Variants in EBF3 observed in about 807,000 individuals in gnomAD.
The protein encoded by EBF3 is transcription factor COE3.
EBF3 carries 18 observed loss-of-function variants against 77.1 expected under a neutral mutation model. The ratio of observed to expected loss-of-function variants is 0.23; its 90% CI spans 0.16 to 0.35. The LOEUF (loss-of-function observed/expected upper bound fraction) is 0.35. Ranked by LOEUF, EBF3 falls within the 10% of genes least tolerant of loss-of-function variation. The probability of loss-of-function intolerance (pLI) is 1.00; values close to 1 mark genes in which losing one functional copy is unlikely to be tolerated. For synonymous variants in EBF3, 350 were observed against 343.5 expected (o/e 1.02, Z -0.21); for missense variants, 558 against 860.0 (o/e 0.65, Z 4.39).
intron 6 of EBF3, among the ~76,000 whole-genome samples, chr10:129,886,663 G>C (rs1189188698): frequency 6.6e-6 from 1 of 152,022 alleles, no homozygotes; most frequent in Non-Finnish European, 1.5e-5. Context: ...TTTTTTCCCT[G>C]GGATTTTTGC....
At chr10:129,882,924 G>A (rs1853307526) in intron 6 of EBF3, among the ~76,000 whole-genome samples, 1 of 152,226 alleles carries the variant, frequency 6.6e-6, no homozygotes, top group Non-Finnish European at 1.5e-5. Context: ...ATCATGCAAT[G>A]ATGATTTCTT....
At chr10:129,958,562 CAG>C (rs992092892) in intron 5 of EBF3, among the ~76,000 whole-genome samples, 1 of 152,194 alleles carries the variant, frequency 6.6e-6, no homozygotes, top group African/African-American at 2.4e-5. Flanking sequence ...TTATCAATAA[CAG>C]ACAATTGTAT....
chr10:129,884,502 T>A (rs1007681480), intron 6 of EBF3, among the ~76,000 whole-genome samples: 2 of 152,230 alleles, frequency 1.3e-5, no homozygotes, highest in Non-Finnish European at 2.9e-5. Context: ...TCTTCAAATA[T>A]GCCATGACAA....
At chr10:129,930,314 C>T (rs1414202054) in intron 6 of EBF3, among the ~76,000 whole-genome samples, 1 of 152,106 alleles carries the variant, frequency 6.6e-6, no homozygotes, top group Non-Finnish European at 1.5e-5. Flanking sequence ...TAACAAATCC[C>T]CCTCTCATAT....
At chr10:129,878,274 T>TA (rs1852934080) in intron 6 of EBF3, among the ~76,000 whole-genome samples, 1 of 152,176 alleles carries the variant, frequency 6.6e-6, no homozygotes, top group Non-Finnish European at 1.5e-5. Flanking sequence ...TACTCCTCAC[T>TA]AAAAAATTGC....
chr10:129,897,031 C>A lies in EBF3; in HGVS notation c.555-19182G>T, dbSNP rs949251436. ...ACTAATCAAGCATCGAGGACAGGCACCGCCAGCCTGATTGCCAGCCATGGC... is the reference window on the plus strand; with the variant it reads ...ACTAATCAAGCATCGAGGACAGGCAACGCCAGCCTGATTGCCAGCCATGGC... On this transcript the variant is annotated intron_variant, in intron 6 of 16. Transcript: ENST00000440978. This position sits in a 1 kb window ranked among gnomAD's most constrained non-coding sequence, Gnocchi z 4.6. 2.6e-5 allele frequency among the ~76,000 whole-genome samples: 4 copies of A among 152,238 alleles called. No individual in the cohort carries two copies. Among genetic ancestry groups the A allele is most frequent in the Admixed American group, 6.5e-5 (1 of 15,288 alleles).
At chr10:129,853,614 T>C (rs887397056) in intron 10 of EBF3, among the ~76,000 whole-genome samples, 6 of 152,184 alleles carry the variant, frequency 3.9e-5, no homozygotes, top group Admixed American at 2.6e-4. Flanking sequence ...AAATAAGATA[T>C]AGTATATTTT....
At chr10:129,931,625 G>T (rs1233875457) in intron 6 of EBF3, among the ~76,000 whole-genome samples, 2 of 152,262 alleles carry the variant, frequency 1.3e-5, no homozygotes, top group African/African-American at 4.8e-5. Context: ...CTTGATGTCT[G>T]CCCTGATGCC....
chr10:129,963,998 T>C lies in EBF3; in HGVS notation c.-230A>G, dbSNP rs1859743051. 1.5e-5 allele frequency: 15 copies of C among 984,800 alleles called. No homozygotes were observed. The highest frequency in any genetic ancestry group is 1.8e-5 in the Non-Finnish European group (15 of 829,794). 61.0% of individuals were successfully genotyped at this position (984,800 alleles called of 1,614,324 possible). Reference sequence around the variant, plus strand: ...GCGGCTCCACCGGCGGCGGCGGCGCTTCGAAGGAGCAGGACGCGGTGGCCG... The same window carrying C: ...GCGGCTCCACCGGCGGCGGCGGCGCCTCGAAGGAGCAGGACGCGGTGGCCG... On this transcript the variant is annotated 5_prime_UTR_variant, in exon 1 of 17. Coordinates refer to ENST00000440978, the MANE Select transcript of EBF3 (RefSeq NM_001375380.1). The surrounding 1 kb of genome is among the most constrained non-coding windows in gnomAD (Gnocchi z 7.1).
chr10:129,927,569 G>A (rs188291040), intron 6 of EBF3, among the ~76,000 whole-genome samples: 9 of 152,246 alleles, frequency 5.9e-5, no homozygotes, highest in Non-Finnish European at 1.2e-4. Flanking sequence ...TGGCAACGAC[G>A]GGGAGCTCAC....
In EBF3 at chr10:129,924,432, A is replaced by AC. The variant is rs199747510; in HGVS notation, c.554+32825_554+32826insG. ...TCCGTCTCAAACAACAACAACAACAAAAAAAAAAAAAAACAAAAAACAAAA... is the reference window on the plus strand; with the variant it reads ...TCCGTCTCAAACAACAACAACAACAACAAAAAAAAAAAAACAAAAAACAAAA... On this transcript the variant is annotated intron_variant, in intron 6 of 16. Transcript: ENST00000440978. Among the ~76,000 whole-genome samples, 327 of 123,126 alleles carry AC rather than the reference A, an allele frequency of 2.7e-3. 1 individual carries two copies. Among genetic ancestry groups the AC allele is most frequent in the African/African-American group, 9.6e-3 (297 of 30,778 alleles). 80.8% of individuals were successfully genotyped at this position (123,126 alleles called of 152,430 possible). A position where few individuals can be genotyped will look rare whatever the true frequency, so the allele number is the denominator to read the frequency against.
At chr10:129,962,732 T>C (rs1388585732) in intron 3 of EBF3, among the ~76,000 whole-genome samples, 1 of 152,262 alleles carries the variant, frequency 6.6e-6, no homozygotes, top group Non-Finnish European at 1.5e-5. Flanking sequence ...TATCGATCTT[T>C]TTCTTACTTT....
intron 6 of EBF3, among the ~76,000 whole-genome samples, chr10:129,936,812 G>A (rs533399977): frequency 1.3e-5 from 2 of 152,212 alleles, no homozygotes; most frequent in South Asian, 2.1e-4. Flanking sequence ...CCAGGGGACT[G>A]TGGGGGCTCC....
chr10:129,935,912 C>T lies in EBF3; in HGVS notation c.554+21346G>A, dbSNP rs944539194. Among the ~76,000 whole-genome samples, 3 of 152,034 alleles carry T rather than the reference C, an allele frequency of 2.0e-5. No homozygotes were observed. Among genetic ancestry groups the T allele is most frequent in the African/African-American group, 4.8e-5 (2 of 41,390 alleles). On this transcript the variant is annotated intron_variant, in intron 6 of 16. Transcript: ENST00000440978. This position sits in a 1 kb window ranked among gnomAD's most constrained non-coding sequence, Gnocchi z 4.2. ...AAAGGAATGGCCGGGGAAGGCAGAG[C>T]CCAAGCAGCCCTGGAGCACCAGGGC...
intron 6 of EBF3, 101 bp downstream of exon 6, chr10:129,957,157 G>T: frequency 9.4e-7 from 1 of 1,061,838 alleles, no homozygotes; most frequent in Non-Finnish European, 1.4e-6. Context: ...AGATGGGCTC[G>T]ACACCAGCCT....
chr10:129,934,065 A>G (rs1857199243), intron 6 of EBF3, among the ~76,000 whole-genome samples: 1 of 152,158 alleles, frequency 6.6e-6, no homozygotes, highest in African/African-American at 2.4e-5. Flanking sequence ...CGGAGAAGCA[A>G]TGTCCCTGCT....
chr10:129,906,946 G>A lies in EBF3; in HGVS notation c.555-29097C>T, dbSNP rs187991619. Among the ~76,000 whole-genome samples, 27 of 152,020 alleles carry A rather than the reference G, an allele frequency of 1.8e-4. 1 individual carries two copies. Among genetic ancestry groups the A allele is most frequent in the Admixed American group, 1.7e-3 (26 of 15,266 alleles). On this transcript the variant is annotated intron_variant, in intron 6 of 16. Coordinates refer to ENST00000440978, the MANE Select transcript of EBF3 (RefSeq NM_001375380.1). ...TGCCTCTCCGCAGCCCTGCACACTC[G>A]AAAACCCACCAGCATGGCCAGAAAT...
At chr10:129,868,527 CTT>C (rs913727667) in intron 8 of EBF3, among the ~76,000 whole-genome samples, 3 of 152,228 alleles carry the variant, frequency 2.0e-5, no homozygotes, top group Non-Finnish European at 4.4e-5. Context: ...CGTGACCTCT[CTT>C]TGTCTCGGGA....
At chr10:129,881,200 A>G (rs1853181876) in intron 6 of EBF3, among the ~76,000 whole-genome samples, 1 of 152,206 alleles carries the variant, frequency 6.6e-6, no homozygotes, top group African/African-American at 2.4e-5. Context: ...TTACTGCAAA[A>G]CATGGATTTG....
Sources: allele counts gnomAD v4.1 joint callset (sites outside exome capture counted in the v4.1 genomes callset), GRCh38; gene constraint gnomAD v4.1.1; non-coding constraint Gnocchi (gnomAD v3.1); transcripts MANE v1.5; gene names NCBI Gene and HGNC (gene_info 2026-07-23, HGNC 2026-07-21).